Variants in ZMYND11 observed in about 807,000 individuals in gnomAD.
The protein encoded by ZMYND11 is zinc finger MYND-type containing 11.
Under a neutral mutation model 84.9 loss-of-function variants are expected in ZMYND11, and 9 were observed. The observed-to-expected ratio is 0.11, with a 90% confidence interval of 0.06 to 0.18. ZMYND11 has a LOEUF of 0.18. Among genes scored for constraint, ZMYND11 ranks in the 10% least tolerant of loss-of-function variants. The probability of loss-of-function intolerance (pLI) is 1.00; values close to 1 mark genes in which losing one functional copy is unlikely to be tolerated. For missense variants in ZMYND11, 409 were observed against 761.0 expected (o/e 0.54, Z 5.44); for synonymous variants, 250 against 244.1 (o/e 1.02, Z -0.23).
At chr10:173,871 T>C (rs1472119696) in intron 1 of ZMYND11, among the ~76,000 whole-genome samples, 2 of 152,198 alleles carry the variant, frequency 1.3e-5, no homozygotes, top group African/African-American at 4.8e-5. Context: ...CACATACTTA[T>C]AAGAATGGCT....
intron 2 of ZMYND11, among the ~76,000 whole-genome samples, chr10:196,243 G>C (rs531814865): frequency 6.6e-6 from 1 of 152,280 alleles, no homozygotes; most frequent in South Asian, 2.1e-4. Context: ...TTGACATGCT[G>C]TTCGCTTCTA....
Position 238,560 on chromosome 10 carries a change from T to G in ZMYND11, c.610-878T>G, listed in dbSNP as rs551530101. 1.5e-4 allele frequency among the ~76,000 whole-genome samples: 23 copies of G among 151,968 alleles called. No homozygotes were observed. The South Asian group carries it at 3.3e-3, about 22-fold the overall frequency. On this transcript the variant is annotated intron_variant, in intron 6 of 14. Transcript: ENST00000381604. ...TTTAGTAGAGACGGGGTTTCACCGTTTTAGCCAGGATGGTCTCGATCTCCT... is the reference window on the plus strand; with the variant it reads ...TTTAGTAGAGACGGGGTTTCACCGTGTTAGCCAGGATGGTCTCGATCTCCT...
intron 1 of ZMYND11, among the ~76,000 whole-genome samples, chr10:169,502 G>T (rs1433907780): frequency 1.3e-5 from 2 of 152,154 alleles, no homozygotes; most frequent in African/African-American, 4.8e-5. Flanking sequence ...CAGACCAGGG[G>T]TTATTAAAAA....
chr10:230,928 A>C (rs1308464464), intron 4 of ZMYND11, among the ~76,000 whole-genome samples: 1 of 152,212 alleles, frequency 6.6e-6, no homozygotes, highest in African/African-American at 2.4e-5. Context: ...CCCTGCTTTC[A>C]CAAAACTTAC....
chr10:159,277 A>G (rs1422794448), intron 1 of ZMYND11, among the ~76,000 whole-genome samples: 1 of 152,074 alleles, frequency 6.6e-6, no homozygotes, highest in Admixed American at 6.5e-5. Context: ...TGGTGGGTCA[A>G]AGAGTAAATG....
chr10:194,052 T>G (rs1588840440), intron 2 of ZMYND11, among the ~76,000 whole-genome samples: 1 of 152,244 alleles, frequency 6.6e-6, no homozygotes, highest in East Asian at 1.9e-4. Context: ...TAGTACAATC[T>G]CAGCTCACTA....
chr10:225,858 G>A (rs1948028923), intron 4 of ZMYND11, among the ~76,000 whole-genome samples: 1 of 152,198 alleles, frequency 6.6e-6, no homozygotes, highest in Non-Finnish European at 1.5e-5. Context: ...CCCCTGGGCA[G>A]CCAGCCTGCT....
intron 1 of ZMYND11, among the ~76,000 whole-genome samples, chr10:153,250 A>C (rs1026453784): frequency 4.6e-5 from 7 of 152,378 alleles, no homozygotes; most frequent in African/African-American, 1.4e-4. Context: ...TTGAGAAATG[A>C]AACATTCTCG....
intron 1 of ZMYND11, among the ~76,000 whole-genome samples, chr10:161,628 T>G (rs533585203): frequency 6.6e-6 from 1 of 152,362 alleles, no homozygotes; most frequent in East Asian, 1.9e-4. Context: ...TAGCTAAATC[T>G]TCTGGATAAC....
intron 1 of ZMYND11, 24 bp from the exon 2 acceptor site, chr10:179,970 T>G: frequency 7.0e-7 from 1 of 1,432,624 alleles, no homozygotes; most frequent in Non-Finnish European, 9.8e-7. Context: ...TTTTTTTCCC[T>G]TATGTTTTTG....
At position 211,175 on chromosome 10, in the gene ZMYND11, A is replaced by G. The variant is rs1945148119; in HGVS notation, c.276+1127A>G. On this transcript the variant is annotated intron_variant, in intron 3 of 14. Coordinates refer to ENST00000381604, the MANE Select transcript of ZMYND11 (RefSeq NM_001370100.5). Reference sequence around the variant, plus strand: ...CCGCTGCTGTACTGTAGCCTGGGCGACAGAGCAAGACCCTGTCTCCTAAAA... The same window carrying G: ...CCGCTGCTGTACTGTAGCCTGGGCGGCAGAGCAAGACCCTGTCTCCTAAAA... Among the ~76,000 whole-genome samples, 3 of 152,044 alleles carry G rather than the reference A, an allele frequency of 2.0e-5. No individual in the cohort carries two copies. The South Asian group carries it at 6.2e-4, about 32-fold the overall frequency.
intron 4 of ZMYND11, among the ~76,000 whole-genome samples, chr10:230,054 A>C (rs12360337): frequency 1.3e-5 from 2 of 152,098 alleles, no homozygotes; most frequent in Admixed American, 6.5e-5. Context: ...TGCTATTACA[A>C]TTATAGAGGA....
chr10:158,583 AT>A lies in ZMYND11; in HGVS notation c.-19-21393del, dbSNP rs375793309. Among the ~76,000 whole-genome samples the A allele has an allele frequency of 5.7e-3, 757 of 132,320 alleles. 4 individuals are homozygous for A. The highest frequency in any genetic ancestry group is 0.015 in the African/African-American group (540 of 35,810). 86.8% of individuals were successfully genotyped at this position (132,320 alleles called of 152,430 possible). A position where few individuals can be genotyped will look rare whatever the true frequency, so the allele number is the denominator to read the frequency against. On this transcript the variant is annotated intron_variant, in intron 1 of 14. Coordinates refer to ENST00000381604, the MANE Select transcript of ZMYND11 (RefSeq NM_001370100.5). ...AGGTGTTTGCCACCATACCCAGCTAATTTTTTTTTTTTTTTTTTGTAGAGAC... is the reference window on the plus strand; with the variant it reads ...AGGTGTTTGCCACCATACCCAGCTAATTTTTTTTTTTTTTTTTGTAGAGAC...
chr10:246,718 C>T (rs867203109), intron 10 of ZMYND11, 48 bp from the exon 11 acceptor site: 1 of 1,582,638 alleles, frequency 6.3e-7, no homozygotes, highest in South Asian at 1.1e-5. Context: ...TACCACCCTT[C>T]CTGCCATTTG....
intron 5 of ZMYND11, 25 bp downstream of exon 5, chr10:236,940 C>G: frequency 1.3e-6 from 2 of 1,584,894 alleles, no homozygotes; most frequent in Non-Finnish European, 1.7e-6. Flanking sequence ...GGGAATCTTT[C>G]AAAATATCCC....
At chr10:242,720 G>GAGGTGTCTCCTGTCATGCCAGGAGGT (rs1951261629) in intron 10 of ZMYND11, among the ~76,000 whole-genome samples, 1 of 152,212 alleles carries the variant, frequency 6.6e-6, no homozygotes, top group Non-Finnish European at 1.5e-5. Flanking sequence ...AACAGTCCAT[G>GAGGTGTCTCCTGTCATGCCAGGAGGT]AGGTGTCTCC....
At chr10:157,231 G>A (rs1215883832) in intron 1 of ZMYND11, among the ~76,000 whole-genome samples, 1 of 152,112 alleles carries the variant, frequency 6.6e-6, no homozygotes, top group South Asian at 2.1e-4. Context: ...ACAGAGTCTC[G>A]CTCTGTCGCC....
At chr10:242,980 G>T (rs1951342830) in intron 10 of ZMYND11, among the ~76,000 whole-genome samples, 1 of 134,862 alleles carries the variant, frequency 7.4e-6, no homozygotes, top group African/African-American at 2.7e-5. Context: ...AATACAAAAT[G>T]AATGTTTTAA....
rs1313977051 is a variant in ZMYND11 at position 180,029 on chromosome 10, A to G, written c.17A>G (p.Lys6Arg). The change falls in exon 2 of 15, where the codon AAA becomes AGA. Residue 6 changes from lysine (K) to arginine (R), a missense_variant. Transcript: ENST00000381604. ...AAACAGGTCATGGCACGTTTAACAAAAAGACGACAGGCGGATACAAAAGCT... is the reference window on the plus strand; with the variant it reads ...AAACAGGTCATGGCACGTTTAACAAGAAGACGACAGGCGGATACAAAAGCT... MARLTKRRQADTKAIQ... is the reference protein window; with the variant it reads MARLTRRRQADTKAIQ... The G allele has an allele frequency of 1.2e-6, 2 of 1,613,490 alleles. No homozygotes were observed. The highest frequency in any genetic ancestry group is 2.2e-5 in the East Asian group (1 of 44,850).
Sources: allele counts gnomAD v4.1 joint callset (sites outside exome capture counted in the v4.1 genomes callset), GRCh38; gene constraint gnomAD v4.1.1; transcripts MANE v1.5; gene names NCBI Gene and HGNC (gene_info 2026-07-23, HGNC 2026-07-21).